PPM1L: variants seen among roughly 807,000 people sequenced by gnomAD.
PPM1L encodes the protein protein phosphatase 1L.
A neutral mutation model predicts 31.4 loss-of-function variants in PPM1L; 13 were observed. That is an observed-to-expected ratio of 0.41 (90% confidence interval 0.27 to 0.66). PPM1L has a LOEUF of 0.66. PPM1L is among the 30% of genes least tolerant of loss of function. The pLI is 0.29. For missense variants in PPM1L, 326 were observed against 453.7 expected (o/e 0.72, Z 2.56); for synonymous variants, 184 against 175.4 (o/e 1.05, Z -0.39).
intron 1 of PPM1L, among the ~76,000 whole-genome samples, chr3:160,892,679 A>G (rs1328739501): frequency 6.6e-6 from 1 of 152,166 alleles, no homozygotes; most frequent in Non-Finnish European, 1.5e-5. Flanking sequence ...AAGAAAAAAA[A>G]AAGAAATACG....
intron 1 of PPM1L, among the ~76,000 whole-genome samples, chr3:160,798,842 C>T (rs1712340770): frequency 6.6e-6 from 1 of 152,182 alleles, no homozygotes; most frequent in Non-Finnish European, 1.5e-5. Flanking sequence ...GGGCAAAGCA[C>T]ATTGAAAAAC....
At chr3:160,822,061 A>T (rs1032495227) in intron 1 of PPM1L, among the ~76,000 whole-genome samples, 4 of 152,104 alleles carry the variant, frequency 2.6e-5, no homozygotes, top group Non-Finnish European at 4.4e-5. Context: ...AAAGAAAATT[A>T]AAAAAGATTT....
intron 1 of PPM1L, among the ~76,000 whole-genome samples, chr3:160,813,472 T>C (rs139281819): frequency 0.034 from 5,116 of 152,266 alleles, 300 homozygotes; most frequent in African/African-American, 0.12. Context: ...CCTGAGTAGC[T>C]GGGACTACAG....
chr3:161,008,632 C>T (rs1717790585), intron 2 of PPM1L, among the ~76,000 whole-genome samples: 1 of 152,066 alleles, frequency 6.6e-6, no homozygotes, highest in Admixed American at 6.6e-5. Flanking sequence ...ATTCTAGGTA[C>T]ATTGTGAAGG....
At chr3:160,808,880 G>A (rs1020515743) in intron 1 of PPM1L, among the ~76,000 whole-genome samples, 1 of 152,104 alleles carries the variant, frequency 6.6e-6, no homozygotes, top group Non-Finnish European at 1.5e-5. Flanking sequence ...GTCACTGTGG[G>A]GCATTCTACC....
intron 1 of PPM1L, among the ~76,000 whole-genome samples, chr3:160,937,676 C>A (rs1447567774): frequency 6.6e-6 from 1 of 152,008 alleles, no homozygotes; most frequent in Non-Finnish European, 1.5e-5. Flanking sequence ...AAATCTTTGA[C>A]CCAATTGGAA....
intron 1 of PPM1L, among the ~76,000 whole-genome samples, chr3:160,763,272 C>T (rs570446276): frequency 2.6e-4 from 39 of 152,294 alleles, no homozygotes; most frequent in African/African-American, 7.7e-4. Context: ...TATCCCTTTC[C>T]GCTGTGACTC....
At chr3:161,007,176 AAAC>A (rs1241842963) in intron 2 of PPM1L, among the ~76,000 whole-genome samples, 1 of 152,216 alleles carries the variant, frequency 6.6e-6, no homozygotes, top group African/African-American at 2.4e-5. Flanking sequence ...GGGGCACATT[AAAC>A]AACAAGTAAA....
rs1456847663 is a variant in PPM1L, at chr3:161,078,193, A to AG, written c.*9038dup. 1.6e-4 allele frequency: 24 copies of AG among 152,198 alleles called. No individual in the cohort carries two copies. Among genetic ancestry groups the AG allele is most frequent in the Admixed American group, 1.6e-3 (24 of 15,280 alleles). 9.4% of individuals were successfully genotyped at this position (152,198 alleles called of 1,614,324 possible). The stretch of plus-strand genomic sequence containing the variant: ...AGCTCAGTTATTAAGGATGGAAAGG[A>AG]GGAAAGCACAGAGTGAGGAGAGAAA... On this transcript the variant is annotated 3_prime_UTR_variant, in exon 4 of 4. Transcript: ENST00000498165.
intron 1 of PPM1L, among the ~76,000 whole-genome samples, chr3:160,856,901 A>G (rs1277941760): frequency 5.9e-5 from 9 of 151,802 alleles, no homozygotes; most frequent in Admixed American, 4.6e-4. Flanking sequence ...CTTAGATGGC[A>G]GTGGATTTAT....
At position 161,076,487 on chromosome 3, in the gene PPM1L, T is replaced by C. The variant is rs1720102383; in HGVS notation, c.*7330T>C. The C allele has an allele frequency of 6.6e-6, 1 of 152,252 alleles. No individual in the cohort carries two copies. The highest frequency in any genetic ancestry group is 1.5e-5 in the Non-Finnish European group (1 of 68,042). The allele number at this position is 152,252 out of a possible 1,614,324, so 9.4% of individuals were successfully genotyped here. ...TGACCATGGAGAAAACCCATAACTTTTGCTTCTATTATAGAAAGCAGTGTT... is the reference window on the plus strand; with the variant it reads ...TGACCATGGAGAAAACCCATAACTTCTGCTTCTATTATAGAAAGCAGTGTT... On this transcript the variant is annotated 3_prime_UTR_variant, in exon 4 of 4. Coordinates refer to ENST00000498165, the MANE Select transcript of PPM1L (RefSeq NM_139245.4).
At chr3:160,987,028 C>T (rs927504281) in intron 2 of PPM1L, among the ~76,000 whole-genome samples, 2 of 152,098 alleles carry the variant, frequency 1.3e-5, no homozygotes, top group Non-Finnish European at 2.9e-5. Context: ...CACTTAATGT[C>T]GCATTATTCA....
At chr3:160,781,515 G>T (rs1351119924) in intron 1 of PPM1L, among the ~76,000 whole-genome samples, 1 of 152,194 alleles carries the variant, frequency 6.6e-6, no homozygotes, top group African/African-American at 2.4e-5. Context: ...TAGCTGCACA[G>T]ACCTCTTAGA....
chr3:160,797,358 A>G (rs532153450), intron 1 of PPM1L, among the ~76,000 whole-genome samples: 48 of 152,132 alleles, frequency 3.2e-4, no homozygotes, highest in Non-Finnish European at 5.4e-4. Flanking sequence ...CCATTGACCC[A>G]CCATTCTTCA....
At chr3:160,944,877 A>AATATATAGTGG (rs1715319535) in intron 1 of PPM1L, among the ~76,000 whole-genome samples, 1 of 47,798 alleles carries the variant, frequency 2.1e-5, no homozygotes, top group African/African-American at 6.4e-5. Flanking sequence ...TGTTATATAT[A>AATATATAGTGG]ACATATATAT....
rs10545216 is a variant in PPM1L at position 160,808,289 on chromosome 3, CTGTGTG to C, written c.399+51609_399+51614del. On this transcript the variant is annotated intron_variant, in intron 1 of 3. Transcript: ENST00000498165. Reference sequence around the variant, plus strand: ...AACTGCCCTTTGCCAGGATTTTCCTCTGTGTGTGTGTGTGTGTGTGTGTGTGTGTGT... The same window carrying C: ...AACTGCCCTTTGCCAGGATTTTCCTCTGTGTGTGTGTGTGTGTGTGTGTGT... 2.2e-3 allele frequency among the ~76,000 whole-genome samples: 303 copies of C among 136,212 alleles called. 6 individuals are homozygous for C. Among genetic ancestry groups the C allele is most frequent in the African/African-American group, 6.9e-3 (235 of 33,962 alleles). 89.4% of individuals were successfully genotyped at this position (136,212 alleles called of 152,430 possible). A position where few individuals can be genotyped will look rare whatever the true frequency, so the allele number is the denominator to read the frequency against.
intron 2 of PPM1L, among the ~76,000 whole-genome samples, chr3:161,047,362 A>G (rs1465820254): frequency 1.3e-5 from 2 of 152,202 alleles, no homozygotes; most frequent in Admixed American, 1.3e-4. Context: ...TAAAATACCT[A>G]GGAATCCAAC....
intron 1 of PPM1L, among the ~76,000 whole-genome samples, chr3:160,954,624 A>C (rs1304319661): frequency 6.6e-6 from 1 of 152,074 alleles, no homozygotes; most frequent in African/African-American, 2.4e-5. Context: ...TCAGCCTCCC[A>C]AAATCCTAGG....
intron 1 of PPM1L, among the ~76,000 whole-genome samples, chr3:160,780,272 T>G (rs549332546): frequency 6.6e-6 from 1 of 152,316 alleles, no homozygotes; most frequent in East Asian, 1.9e-4. Context: ...TGATAAATGA[T>G]CTCTAGATAT....
Sources: gnomAD v4.1 joint callset for allele counts (sites outside exome capture counted in the v4.1 genomes callset) on GRCh38, gnomAD v4.1.1 for gene constraint, MANE v1.5 for transcripts, NCBI Gene and HGNC (gene_info 2026-07-23, HGNC 2026-07-21) for gene names.